Variants in ANK2 observed in about 807,000 individuals in gnomAD.
ANK2 encodes ankyrin 2, also known as ankyrin-2.
Under a neutral mutation model 360.5 loss-of-function variants are expected in ANK2, and 83 were observed. The observed-to-expected ratio is 0.23, with a 90% CI of 0.19 to 0.28. The LOEUF is 0.28. ANK2 is among the 10% of genes least tolerant of loss of function. ANK2 has a pLI of 1.00. For synonymous variants in ANK2, 1,740 were observed against 1,759.5 expected (o/e 0.99, Z 0.28); for missense variants, 4,201 against 4,795.7 (o/e 0.88, Z 3.66).
Position 112,835,594 on chromosome 4 carries a change from G to A in ANK2, c.-40+17330G>A, listed in dbSNP as rs929318177. On this transcript the variant is annotated intron_variant, in intron 1 of 30. Transcript: ENST00000503271. ...TTACTTATTTATCATATGATGATGG[G>A]GAAAATTATCCTTTCTTTTTTCTTT... Among the ~76,000 whole-genome samples the A allele has an allele frequency of 7.9e-5, 12 of 152,008 alleles. No individual in the cohort carries two copies. In the East Asian group the frequency reaches 1.9e-3, roughly 24 times the overall value.
intron 2 of ANK2, among the ~76,000 whole-genome samples, chr4:112,958,322 C>G (rs370836969): frequency 6.6e-6 from 1 of 152,200 alleles, no homozygotes; most frequent in African/African-American, 2.4e-5. Context: ...CTGAGTGAAC[C>G]AGACTCCATC....
intron 1 of ANK2, among the ~76,000 whole-genome samples, chr4:113,094,323 A>G (rs1336249428): frequency 6.6e-6 from 1 of 152,226 alleles, no homozygotes; most frequent in African/African-American, 2.4e-5. Flanking sequence ...AAATAAATAA[A>G]GACATTTCTT....
chr4:112,796,669 T>C, the ANK2 span, among the ~76,000 whole-genome samples: 1 of 151,370 alleles, frequency 6.6e-6, no homozygotes, highest in Non-Finnish European at 1.5e-5. Flanking sequence ...TTTTTTTTTT[T>C]TTCTTTTCTT....
chr4:113,296,762 C>G (rs1171267725), intron 22 of ANK2, among the ~76,000 whole-genome samples: 2 of 152,106 alleles, frequency 1.3e-5, no homozygotes, highest in African/African-American at 4.8e-5. Context: ...ATGGTAGAGA[C>G]ACATTTCTGG....
upstream of ANK2, among the ~76,000 whole-genome samples, chr4:113,046,576 A>C (rs2064491703): frequency 6.6e-6 from 1 of 151,928 alleles, no homozygotes; most frequent in Non-Finnish European, 1.5e-5. Flanking sequence ...ATGTGAGGAG[A>C]GTGTTCAATA....
rs1488217623 is a variant in ANK2 at position 113,311,367 on chromosome 4, G to A, written c.2661G>A (p.Leu887=). ...SSQFLDGMNY[L]RYSLEGGRSD... is the part of the protein sequence containing the mutation. ...AGTTCCTGGATGGTATGAATTACCT[G>A]CGATACAGCTTGGAGGGAGGACGAT... The change falls in exon 24 of 46, where the codon CTG becomes CTA. Residue 887 remains leucine (L), a synonymous_variant. Coordinates refer to ENST00000357077, the MANE Select transcript of ANK2 (RefSeq NM_001148.6). The A allele has an allele frequency of 2.5e-6, 4 of 1,614,100 alleles. No homozygotes were observed. Among genetic ancestry groups the A allele is most frequent in the Non-Finnish European group, 3.4e-6 (4 of 1,180,016 alleles).
intron 2 of ANK2, among the ~76,000 whole-genome samples, chr4:112,969,556 G>A (rs533318698): frequency 6.6e-6 from 1 of 152,352 alleles, no homozygotes; most frequent in South Asian, 2.1e-4. Flanking sequence ...AGAGTGAAAA[G>A]GGGGAAGAGG....
chr4:113,362,828 G>A (rs902851675), intron 39 of ANK2, among the ~76,000 whole-genome samples: 2 of 151,954 alleles, frequency 1.3e-5, no homozygotes, highest in Non-Finnish European at 2.9e-5. Context: ...ATGCTTCCTC[G>A]ACCTCTTATT....
intron 1 of ANK2, among the ~76,000 whole-genome samples, chr4:113,071,141 T>G (rs1254540378): frequency 6.6e-6 from 1 of 152,192 alleles, no homozygotes; most frequent in African/African-American, 2.4e-5. Context: ...GCTTCTAATA[T>G]AGACTGCACA....
At position 113,331,069 on chromosome 4, in the gene ANK2, TTTC is replaced by T. The variant is rs1180901322; in HGVS notation, c.3125+605_3125+607del. 6.6e-5 allele frequency among the ~76,000 whole-genome samples: 10 copies of T among 152,330 alleles called. 1 individual carries two copies. Among genetic ancestry groups the T allele is most frequent in the African/African-American group, 2.2e-4 (9 of 41,570 alleles). On this transcript the variant is annotated intron_variant, in intron 27 of 45. Coordinates refer to ENST00000357077, the MANE Select transcript of ANK2 (RefSeq NM_001148.6). ...TGGCAATTTTGAGCAGAATTTAGCA[TTTC>T]TTCTTTCTTCTGTTTGTTTGTACGG... is the stretch of plus-strand genomic sequence containing the variant.
intron 34 of ANK2, 39 bp from the exon 35 acceptor site, chr4:113,345,861 T>C (rs765826473): frequency 6.2e-7 from 1 of 1,611,816 alleles, no homozygotes; most frequent in Non-Finnish European, 8.5e-7. Context: ...ATACTGCAAA[T>C]CAAATGTGGG....
At chr4:112,938,624 G>A (rs926764327) in intron 2 of ANK2, among the ~76,000 whole-genome samples, 1 of 152,208 alleles carries the variant, frequency 6.6e-6, no homozygotes, top group Non-Finnish European at 1.5e-5. Flanking sequence ...GTGGAGGCAA[G>A]CTAAGTAAAT....
chr4:112,926,869 C>T (rs747571573), intron 2 of ANK2, among the ~76,000 whole-genome samples: 1 of 152,182 alleles, frequency 6.6e-6, no homozygotes, highest in Non-Finnish European at 1.5e-5. Context: ...TCACGCTGCT[C>T]TAAGGAGATA....
chr4:112,849,200 G>T lies in ANK2; in HGVS notation c.-40+30936G>T, dbSNP rs187966678. ...AACATAATCTGCTATTTTTATAGAG[G>T]ACATTTTGGCAGTAGGTGTAGGGTG... On this transcript the variant is annotated intron_variant, in intron 1 of 30. Transcript: ENST00000503271. Among the ~76,000 whole-genome samples, 8 of 152,300 alleles carry T rather than the reference G, an allele frequency of 5.3e-5. No individual in the cohort carries two copies. The East Asian group carries it at 1.2e-3, about 22-fold the overall frequency.
intron 2 of ANK2, among the ~76,000 whole-genome samples, chr4:113,035,537 A>G (rs1487241669): frequency 2.0e-5 from 3 of 151,974 alleles, no homozygotes; most frequent in African/African-American, 7.2e-5. Context: ...ATTTTGATTT[A>G]TCTATCTCCT....
chr4:112,947,850 C>T (rs1324313266), intron 2 of ANK2, among the ~76,000 whole-genome samples: 4 of 152,210 alleles, frequency 2.6e-5, no homozygotes, highest in Non-Finnish European at 4.4e-5. Context: ...TGAAGCCCAA[C>T]ACAGGCTGTT....
rs1272061566 is a variant in ANK2, at chr4:113,355,187, C to T, written c.6569C>T (p.Ala2190Val). 2 of 1,614,144 alleles carry T rather than the reference C, an allele frequency of 1.2e-6. No homozygotes were observed. Among genetic ancestry groups the T allele is most frequent in the Admixed American group, 3.3e-5 (2 of 60,028 alleles). The change falls in exon 38 of 46, where the codon GCT becomes GTT. Residue 2190 changes from alanine (A) to valine (V), a missense_variant. By Grantham distance (64) the Ala-to-Val change is moderately conservative. Around this residue, in one of 4 missense-constraint regions of ANK2, gnomAD observed 2,642 missense variants for 2,714.5 expected, o/e 0.97. Transcript: ENST00000357077. ...TACATGAAAGATGAGTTCCTTCCAG[C>T]TCTGTCTTTACAAAGCGGTGCTTTA... ...LDYMKDEFLP[A>V]LSLQSGALDG...
intron 2 of ANK2, among the ~76,000 whole-genome samples, chr4:113,029,204 GGAAA>G (rs1180274270): frequency 2.6e-5 from 4 of 151,956 alleles, no homozygotes; most frequent in Non-Finnish European, 4.4e-5. Context: ...TTATTCTAAA[GGAAA>G]GACTCATGAT....
At chr4:112,727,548 T>TGAAACCAAGGGTTGGTTTTTTGAAAA in the ANK2 span, among the ~76,000 whole-genome samples, 1 of 151,960 alleles carries the variant, frequency 6.6e-6, no homozygotes, top group Non-Finnish European at 1.5e-5. Flanking sequence ...AAAAGATCAA[T>TGAAACCAAGGGTTGGTTTTTTGAAAA]GAAACCAAGG....
Sources: allele counts gnomAD v4.1 joint callset (sites outside exome capture counted in the v4.1 genomes callset), GRCh38; gene constraint gnomAD v4.1.1; regional missense constraint gnomAD v4.1.1; transcripts MANE v1.5; gene names NCBI Gene and HGNC (gene_info 2026-07-23, HGNC 2026-07-21).